DUSP15: variants seen among roughly 807,000 people sequenced by gnomAD.
DUSP15 encodes the protein dual specificity phosphatase 15, also known as dual specificity protein phosphatase 15.
DUSP15 carries 23 observed loss-of-function variants against 26.3 expected under a neutral mutation model. The ratio of observed to expected loss-of-function variants is 0.87; its 90% CI spans 0.63 to 1.24. The LOEUF is 1.24. Among genes scored for constraint, DUSP15 ranks in the 50% most tolerant of loss-of-function variants. The pLI is 0.00. For synonymous variants in DUSP15, 143 were observed against 135.5 expected (o/e 1.06, Z -0.39); for missense variants, 364 against 320.6 (o/e 1.14, Z -1.03).
At chr20:31,863,119 GTGA>G (rs2062697144) in intron 5 of DUSP15, among the ~76,000 whole-genome samples, 1 of 152,068 alleles carries the variant, frequency 6.6e-6, no homozygotes, top group African/African-American at 2.4e-5. Context: ...ATTCCAGGTG[GTGA>G]TAATAGCTTT....
At position 31,866,539 on chromosome 20, in the gene DUSP15, C is replaced by T. The variant is rs1211544530; in HGVS notation, c.138+532G>A. On this transcript the variant is annotated intron_variant, in intron 3 of 6. Coordinates refer to ENST00000339738, the MANE Select transcript of DUSP15 (RefSeq NM_080611.5). Reference sequence around the variant, plus strand: ...TGCTGGGTCCTAACACCCTCATGCCCCTTTCCCAGGACTTGATAATACCAG... The same window carrying T: ...TGCTGGGTCCTAACACCCTCATGCCTCTTTCCCAGGACTTGATAATACCAG... Among the ~76,000 whole-genome samples the T allele has an allele frequency of 9.9e-5, 15 of 152,186 alleles. 1 individual carries two copies. Among genetic ancestry groups the T allele is most frequent in the Admixed American group, 9.8e-4 (15 of 15,288 alleles).
chr20:31,867,035 AC>A (rs779562221), intron 3 of DUSP15, 35 bp downstream of exon 3: 262 of 1,545,116 alleles, frequency 1.7e-4, no homozygotes, highest in Non-Finnish European at 2.3e-4. Flanking sequence ...GCACCCTCCC[AC>A]CCCCGCATAG....
At chr20:31,846,127 GACACAGACACACACACAGAC>G (rs2062374200), downstream of DUSP15, among the ~76,000 whole-genome samples, 7 of 141,822 alleles carry the variant, frequency 4.9e-5, no homozygotes, top group African/African-American at 1.7e-4. Flanking sequence ...GAGACACACA[GACACAGACACACACACAGAC>G]ACACACACAC....
At chr20:31,870,582 G>A (rs756600655), upstream of DUSP15, 3 of 1,427,808 alleles carry the variant, frequency 2.1e-6, no homozygotes, top group South Asian at 3.0e-5. The surrounding 1 kb of genome is among the most constrained non-coding windows in gnomAD (Gnocchi z 6.6). Context: ...CTACCCCTTC[G>A]GTCATGTGGG....
At chr20:31,866,971 G>T in intron 3 of DUSP15, 100 bp downstream of exon 3, 1 of 1,191,486 alleles carries the variant, frequency 8.4e-7, no homozygotes, top group Non-Finnish European at 1.2e-6. Context: ...GTTAACATGA[G>T]TCAAGAAGGA....
Position 31,862,612 on chromosome 20 carries a change from T to C in DUSP15, c.394A>G (p.Arg132Gly). ...CAGCCAAACTCTTCAAGCTGCTGCC[T>C]AAAGCCTGGGTTGGGGTTGGCGATG... is the stretch of plus-strand genomic sequence containing the variant. ...RPIANPNPGF[R>G]QQLEEFGWAS... Residue 132 changes from arginine to glycine, a missense_variant, in exon 6 of 7, where the codon AGG (arginine) becomes GGG (glycine). Arg to Gly is a moderately radical substitution (Grantham distance 125). Transcript: ENST00000339738. 6.2e-7 allele frequency: 1 copy of C among 1,613,988 alleles called. No individual in the cohort carries two copies. The highest frequency in any genetic ancestry group is 8.5e-7 in the Non-Finnish European group (1 of 1,179,924).
upstream of DUSP15, chr20:31,870,575 C>T: frequency 6.9e-7 from 1 of 1,453,850 alleles, no homozygotes; most frequent in Non-Finnish European, 9.0e-7. The surrounding 1 kb of genome is among the most constrained non-coding windows in gnomAD (Gnocchi z 6.6). Flanking sequence ...GCTCCTCCTA[C>T]CCCTTCGGTC....
intron 8 of DUSP15, among the ~76,000 whole-genome samples, chr20:31,849,187 G>T (rs1029122074): frequency 6.6e-6 from 1 of 151,674 alleles, no homozygotes; most frequent in East Asian, 1.9e-4. Context: ...TACCTATCTC[G>T]TGCTTGGTGC....
At chr20:31,849,505 C>T in intron 8 of DUSP15, 1 of 762,404 alleles carries the variant, frequency 1.3e-6, no homozygotes, top group South Asian at 1.4e-5. Context: ...CCCGTTCCCA[C>T]GCCACTCTGT....
At chr20:31,859,004 C>T (rs992015796), downstream of DUSP15, among the ~76,000 whole-genome samples, 1 of 152,226 alleles carries the variant, frequency 6.6e-6, no homozygotes, top group African/African-American at 2.4e-5. Flanking sequence ...CTGGGCCTGG[C>T]TAAACACTTT....
At chr20:31,860,918 T>C, downstream of DUSP15, 1 of 911,616 alleles carries the variant, frequency 1.1e-6, no homozygotes, top group Non-Finnish European at 1.3e-6. Context: ...CAGACTGCAG[T>C]TGCGGGAGGG....
At chr20:31,849,453 TCTC>T (rs981107354) in intron 8 of DUSP15, 8 of 605,970 alleles carry the variant, frequency 1.3e-5, no homozygotes, top group Non-Finnish European at 2.5e-5. Flanking sequence ...ATGTGCCCAC[TCTC>T]CTCTGTTCAT....
At chr20:31,867,987 CTT>C (rs1348179128) in intron 2 of DUSP15, among the ~76,000 whole-genome samples, 1 of 152,190 alleles carries the variant, frequency 6.6e-6, no homozygotes, top group Non-Finnish European at 1.5e-5. Flanking sequence ...TAAGCTTCCA[CTT>C]TTGTTTTAAA....
chr20:31,851,134 G>A (rs2062462000), intron 6 of DUSP15, among the ~76,000 whole-genome samples: 2 of 152,214 alleles, frequency 1.3e-5, no homozygotes, highest in Admixed American at 6.5e-5. Flanking sequence ...CCGCCCCCAT[G>A]GAGGTAAAGA....
At position 31,869,611 on chromosome 20, in the gene DUSP15, A is replaced by G. The variant is rs1206032199; in HGVS notation, c.22-14T>C. The G allele has an allele frequency of 6.2e-7, 1 of 1,613,560 alleles. No homozygotes were observed. The highest frequency in any genetic ancestry group is 8.5e-7 in the Non-Finnish European group (1 of 1,179,784). On this transcript the variant is annotated splice_polypyrimidine_tract_variant and intron_variant, in intron 1 of 6. Coordinates refer to ENST00000339738, the MANE Select transcript of DUSP15 (RefSeq NM_080611.5). ...TCCAGGAAGTACCTAGAGGAAGGAC[A>G]GGCAAGGGTCAGTGGGGCAGGGGCT...
chr20:31,863,175 A>G (rs918248771), intron 5 of DUSP15, among the ~76,000 whole-genome samples: 5 of 152,156 alleles, frequency 3.3e-5, no homozygotes, highest in Non-Finnish European at 5.9e-5. Context: ...AGGAAGAGGT[A>G]TTAATCTATA....
chr20:31,861,219 A>G lies in DUSP15; in HGVS notation c.*184T>C, dbSNP rs2062641062. The G allele has an allele frequency of 5.3e-6, 7 of 1,330,764 alleles. No individual in the cohort carries two copies. The South Asian group carries it at 7.4e-5, about 14-fold the overall frequency. The allele number at this position is 1,330,764 out of a possible 1,614,324, so 82.4% of individuals were successfully genotyped here. A position where few individuals can be genotyped will look rare whatever the true frequency, so the allele number is the denominator to read the frequency against. On this transcript the variant is annotated 3_prime_UTR_variant, in exon 7 of 7. Transcript: ENST00000339738. ...GTGGCTGCAGCAGGCCGGCCCGGAC[A>G]CAGAGACGCACAGGTTGGGGACGCT...
At chr20:31,866,036 A>G (rs775855282) in intron 3 of DUSP15, among the ~76,000 whole-genome samples, 3 of 152,200 alleles carry the variant, frequency 2.0e-5, no homozygotes, top group Non-Finnish European at 4.4e-5. Context: ...ATGGCCTGGA[A>G]ATTTCTTCTC....
Position 31,870,006 on chromosome 20 carries a change from G to A in DUSP15, c.21+311C>T. ...CCCCGGAGAGAGCCGAGGAGTCAGC[G>A]ACAAGGGAGAGGGACACATGCAGAC... On this transcript the variant is annotated intron_variant, in intron 1 of 6. Coordinates refer to ENST00000339738, the MANE Select transcript of DUSP15 (RefSeq NM_080611.5). The surrounding 1 kb of genome is among the most constrained non-coding windows in gnomAD (Gnocchi z 6.6). 2 of 1,334,404 alleles carry A rather than the reference G, an allele frequency of 1.5e-6. No homozygotes were observed. Among genetic ancestry groups the A allele is most frequent in the East Asian group, 2.8e-5 (1 of 35,522 alleles). The allele number at this position is 1,334,404 out of a possible 1,614,324, so 82.7% of individuals were successfully genotyped here.
Sources: allele counts gnomAD v4.1 joint callset (sites outside exome capture counted in the v4.1 genomes callset), GRCh38; gene constraint gnomAD v4.1.1; non-coding constraint Gnocchi (gnomAD v3.1); transcripts MANE v1.5; gene names NCBI Gene and HGNC (gene_info 2026-07-23, HGNC 2026-07-21).